Variants in SHANK2 observed in about 807,000 individuals in gnomAD.
SHANK2 encodes SH3 and multiple ankyrin repeat domains protein 2.
Under a neutral mutation model 133.7 loss-of-function variants are expected in SHANK2, and 43 were observed. The ratio of observed to expected loss-of-function variants is 0.32; its 90% confidence interval spans 0.25 to 0.41. The LOEUF is 0.41. Ranked by LOEUF, SHANK2 falls within the 10% of genes least tolerant of loss-of-function variation. The pLI is 1.00. For missense variants in SHANK2, 1,994 were observed against 2,235.8 expected (o/e 0.89, Z 2.18); for synonymous variants, 1,017 against 952.8 (o/e 1.07, Z -1.24).
At chr11:71,098,842 A>T (rs1314328681) in intron 6 of SHANK2, among the ~76,000 whole-genome samples, 1 of 152,044 alleles carries the variant, frequency 6.6e-6, no homozygotes, top group Non-Finnish European at 1.5e-5. Context: ...CCCCACCCCG[A>T]TCCCCTTATG....
chr11:71,226,196 C>T (rs1954640639), intron 1 of SHANK2, among the ~76,000 whole-genome samples: 1 of 152,144 alleles, frequency 6.6e-6, no homozygotes, highest in African/African-American at 2.4e-5. Flanking sequence ...ATGGACTCAA[C>T]AGCAGAATGG....
At chr11:70,684,571 C>T (rs1484360829) in intron 15 of SHANK2, among the ~76,000 whole-genome samples, 1 of 152,118 alleles carries the variant, frequency 6.6e-6, no homozygotes, top group Non-Finnish European at 1.5e-5. Flanking sequence ...TAGCCCCCTA[C>T]CCCCACCCCA....
intron 2 of SHANK2, among the ~76,000 whole-genome samples, chr11:71,204,370 C>T (rs1469146230): frequency 6.6e-6 from 1 of 152,114 alleles, no homozygotes; most frequent in African/African-American, 2.4e-5. Context: ...TAGGAGTGTC[C>T]CACGGGGAGG....
intron 2 of SHANK2, among the ~76,000 whole-genome samples, chr11:71,174,277 C>A (rs1953374944): frequency 6.6e-6 from 1 of 152,210 alleles, no homozygotes; most frequent in Admixed American, 6.5e-5. Flanking sequence ...CAGTGGTTCA[C>A]ACCTGTAATC....
chr11:71,161,373 T>G (rs1555109896), intron 2 of SHANK2, among the ~76,000 whole-genome samples: 1 of 152,200 alleles, frequency 6.6e-6, no homozygotes, highest in Non-Finnish European at 1.5e-5. Context: ...TGGGGAAAAT[T>G]TACACTCTAT....
intron 14 of SHANK2, among the ~76,000 whole-genome samples, chr11:70,704,062 G>A (rs782815258): frequency 1.3e-5 from 2 of 152,244 alleles, no homozygotes; most frequent in African/African-American, 2.4e-5. Flanking sequence ...CACGCCTCAG[G>A]CCACAGAGGG....
intron 10 of SHANK2, among the ~76,000 whole-genome samples, chr11:70,905,834 G>A (rs528897351): frequency 8.3e-5 from 12 of 144,788 alleles, no homozygotes; most frequent in East Asian, 8.0e-4. Context: ...TTTTTGAGAC[G>A]GAGTTTCGCT....
intron 9 of SHANK2, among the ~76,000 whole-genome samples, chr11:71,068,324 G>A (rs968764477): frequency 2.4e-4 from 36 of 152,324 alleles, no homozygotes; most frequent in African/African-American, 7.9e-4. Flanking sequence ...CACAGTCCTA[G>A]ACAACAGAAG....
In SHANK2 at chr11:70,781,442, C is replaced by G. The variant is rs1042117115; in HGVS notation, c.1777+17001G>C. Among the ~76,000 whole-genome samples the G allele has an allele frequency of 4.0e-5, 6 of 150,486 alleles. No individual in the cohort carries two copies. In the East Asian group the frequency reaches 1.2e-3, roughly 30 times the overall value. On this transcript the variant is annotated intron_variant, in intron 14 of 25. Coordinates refer to ENST00000601538, the MANE Select transcript of SHANK2 (RefSeq NM_012309.5). ...TCTCTGAGAGCCTTAAGTTAAGGAG[C>G]CTGTCTGGGAAAGGGACCATTGCTT... is the stretch of plus-strand genomic sequence containing the variant.
intron 1 of SHANK2, among the ~76,000 whole-genome samples, chr11:71,230,948 A>T (rs1174428328): frequency 6.6e-6 from 1 of 152,268 alleles, no homozygotes; most frequent in African/African-American, 2.4e-5. Context: ...CTTACATGTA[A>T]AATACAAAAC....
intron 17 of SHANK2, among the ~76,000 whole-genome samples, chr11:70,556,199 T>G (rs1554979517): frequency 6.6e-6 from 1 of 152,258 alleles, no homozygotes; most frequent in African/African-American, 2.4e-5. Context: ...TACACCTCAT[T>G]TCTTTTTTAT....
intron 17 of SHANK2, among the ~76,000 whole-genome samples, chr11:70,584,710 C>T (rs1188023210): frequency 1.3e-5 from 2 of 152,226 alleles, no homozygotes; most frequent in African/African-American, 4.8e-5. Flanking sequence ...CCTTGTGCTT[C>T]CCTGAATGGC....
chr11:70,505,059 A>G (rs2059117634), intron 17 of SHANK2, among the ~76,000 whole-genome samples: 1 of 152,164 alleles, frequency 6.6e-6, no homozygotes, highest in Non-Finnish European at 1.5e-5. Context: ...TGGCCGACAC[A>G]CAAAGAAGTG....
chr11:70,730,373 C>T (rs1946263407), intron 14 of SHANK2, among the ~76,000 whole-genome samples: 2 of 152,144 alleles, frequency 1.3e-5, no homozygotes, highest in African/African-American at 4.8e-5. Context: ...CACTCACGCC[C>T]AATTGTCCCC....
chr11:70,848,595 G>C (rs1360509448), intron 11 of SHANK2, among the ~76,000 whole-genome samples: 2 of 152,204 alleles, frequency 1.3e-5, no homozygotes, highest in East Asian at 1.9e-4. Context: ...TACATTCTGA[G>C]GGTCCAGGAA....
chr11:70,701,928 C>A (rs1225176349), intron 14 of SHANK2, among the ~76,000 whole-genome samples: 1 of 151,146 alleles, frequency 6.6e-6, no homozygotes, highest in Non-Finnish European at 1.5e-5. Context: ...TCATCACCAC[C>A]ACCATCACCA....
intron 11 of SHANK2, among the ~76,000 whole-genome samples, chr11:70,828,946 C>T (rs1226433561): frequency 2.6e-5 from 4 of 152,264 alleles, no homozygotes; most frequent in African/African-American, 7.2e-5. Context: ...ACTGCTCCGG[C>T]GCTGCTGCCT....
chr11:70,588,724 C>T (rs2060284302), intron 17 of SHANK2, among the ~76,000 whole-genome samples: 1 of 152,328 alleles, frequency 6.6e-6, no homozygotes, highest in East Asian at 1.9e-4. Context: ...AGTAGCAAGT[C>T]TTGATGGAGA....
intron 17 of SHANK2, chr11:70,633,647 C>A (rs1279928433): frequency 6.6e-6 from 1 of 152,354 alleles, no homozygotes; most frequent in South Asian, 2.1e-4. Flanking sequence ...AGATGCAAGC[C>A]TGCAAGCCTC....
Sources: allele counts gnomAD v4.1 joint callset (sites outside exome capture counted in the v4.1 genomes callset), GRCh38; gene constraint gnomAD v4.1.1; transcripts MANE v1.5; gene names NCBI Gene and HGNC (gene_info 2026-07-23, HGNC 2026-07-21).